Variants in PCNX4 observed in about 807,000 individuals in gnomAD.
PCNX4 encodes the protein pecanex-like protein 4.
A neutral mutation model predicts 107.2 loss-of-function variants in PCNX4; 103 were observed. The observed-to-expected ratio is 0.96, with a 90% CI of 0.82 to 1.13. The LOEUF (loss-of-function observed/expected upper bound fraction) is 1.13, where lower values mean the gene tolerates loss of function less well. PCNX4 is among the 50% of genes most tolerant of loss of function. PCNX4 has a pLI of 0.00. For synonymous variants in PCNX4, 541 were observed against 481.7 expected (o/e 1.12, Z -1.61); for missense variants, 1,528 against 1,379.4 (o/e 1.11, Z -1.71).
intron 10 of PCNX4, among the ~76,000 whole-genome samples, chr14:60,127,299 T>C (rs1346968170): frequency 6.6e-6 from 1 of 152,178 alleles, no homozygotes; most frequent in African/African-American, 2.4e-5. Context: ...TCAGAACAAA[T>C]CTCAAACACA....
rs181056979 is a variant in PCNX4, at chr14:60,137,857, A to T, written c.*3636A>T. 12 of 152,250 alleles carry T rather than the reference A, an allele frequency of 7.9e-5. No homozygotes were observed. Among genetic ancestry groups the T allele is most frequent in the African/African-American group, 2.2e-4 (9 of 41,550 alleles). 9.4% of individuals were successfully genotyped at this position (152,250 alleles called of 1,614,324 possible). On this transcript the variant is annotated 3_prime_UTR_variant, in exon 11 of 11. Transcript: ENST00000406854. ...GTAATCCCAGCACTTTGGGAGGCTG[A>T]GGCGGGTGGATCATGAGGTCAGGAG...
chr14:60,102,195 T>C (rs1895545117), intron 1 of PCNX4, among the ~76,000 whole-genome samples: 1 of 152,162 alleles, frequency 6.6e-6, no homozygotes, highest in African/African-American at 2.4e-5. Flanking sequence ...TACACTTAAA[T>C]GTTTAACAGT....
At chr14:60,127,754 G>A (rs1896082052) in intron 10 of PCNX4, among the ~76,000 whole-genome samples, 1 of 152,112 alleles carries the variant, frequency 6.6e-6, no homozygotes, top group Admixed American at 6.5e-5. Context: ...CCCATATATC[G>A]GGGGAAAAAA....
chr14:60,101,706 T>A (rs893449464), intron 1 of PCNX4, among the ~76,000 whole-genome samples: 12 of 145,376 alleles, frequency 8.3e-5, no homozygotes, highest in Admixed American at 3.5e-4. Flanking sequence ...ATAAAAAAAA[T>A]AATTAAAAAA....
At chr14:60,132,959 A>T (rs1896182039) in intron 10 of PCNX4, among the ~76,000 whole-genome samples, 2 of 152,200 alleles carry the variant, frequency 1.3e-5, no homozygotes, top group Non-Finnish European at 2.9e-5. Context: ...TGTTAACAAG[A>T]TGTGGAGAAA....
At chr14:60,129,381 C>T (rs1896114173) in intron 10 of PCNX4, among the ~76,000 whole-genome samples, 1 of 151,966 alleles carries the variant, frequency 6.6e-6, no homozygotes, top group African/African-American at 2.4e-5. Flanking sequence ...TAGCAAGAGC[C>T]CATCTCTACA....
chr14:60,107,821 A>G lies in PCNX4; in HGVS notation c.183A>G (p.Leu61=), dbSNP rs12465. 0.89 allele frequency: 1,435,137 copies of G among 1,612,592 alleles called. 640,489 individuals are homozygous for G. The highest frequency in any genetic ancestry group is 0.93 in the East Asian group (41,915 of 44,868). The change falls in exon 2 of 11, where the codon TTA becomes TTG. Residue 61 remains leucine (L), a synonymous_variant. Coordinates refer to ENST00000406854, the MANE Select transcript of PCNX4 (RefSeq NM_001330177.2). ...PWVWGGVGTL[L]YQLGILKDYY... Reference sequence around the variant, plus strand: ...TTTGGGGTGGAGTCGGAACACTTTTATACCAGTTAGGCATCCTGAAAGACT... The same window carrying G: ...TTTGGGGTGGAGTCGGAACACTTTTGTACCAGTTAGGCATCCTGAAAGACT...
intron 7 of PCNX4, among the ~76,000 whole-genome samples, chr14:60,119,530 A>G (rs888732709): frequency 6.6e-5 from 10 of 152,206 alleles, no homozygotes; most frequent in African/African-American, 1.9e-4. Context: ...ATTATGTGAG[A>G]TGATTTATGA....
intron 10 of PCNX4, among the ~76,000 whole-genome samples, chr14:60,127,434 G>C (rs1275300900): frequency 6.6e-6 from 1 of 152,126 alleles, no homozygotes; most frequent in Non-Finnish European, 1.5e-5. Context: ...TAATAGCTGG[G>C]TATGAACACT....
rs1245935271 is a variant in PCNX4, at chr14:60,125,837, A to T, written c.3267+14A>T. 1.9e-6 allele frequency: 3 copies of T among 1,566,886 alleles called. No homozygotes were observed. The highest frequency in any genetic ancestry group is 2.6e-6 in the Non-Finnish European group (3 of 1,154,848). On this transcript the variant is annotated intron_variant, in intron 10 of 10. Transcript: ENST00000406854. ...GATTCTAATATGGTAAGGTTAAAAA[A>T]TTTTTAAACTTACATATACTAACCT... is the stretch of plus-strand genomic sequence containing the variant.
chr14:60,094,409 C>T (rs969605058), intron 1 of PCNX4, among the ~76,000 whole-genome samples: 1 of 152,152 alleles, frequency 6.6e-6, no homozygotes. Flanking sequence ...TTTTGTAAGT[C>T]CCCCAGCATT....
intron 7 of PCNX4, among the ~76,000 whole-genome samples, 195 bp from the exon 8 acceptor site, chr14:60,121,001 A>C (rs112866073): frequency 6.6e-6 from 1 of 152,054 alleles, no homozygotes; most frequent in Non-Finnish European, 1.5e-5. Context: ...ATCTGTTCCA[A>C]CTGCTCTTGT....
At chr14:60,098,234 A>G (rs1231577994) in intron 1 of PCNX4, among the ~76,000 whole-genome samples, 1 of 151,928 alleles carries the variant, frequency 6.6e-6, no homozygotes, top group African/African-American at 2.4e-5. Flanking sequence ...AGACATTCCA[A>G]CCCTACCATA....
At chr14:60,120,188 T>C (rs531554994) in intron 7 of PCNX4, among the ~76,000 whole-genome samples, 1 of 152,192 alleles carries the variant, frequency 6.6e-6, no homozygotes, top group South Asian at 2.1e-4. Context: ...GGTGCAAGTC[T>C]CCAGGAGTTG....
intron 1 of PCNX4, among the ~76,000 whole-genome samples, chr14:60,103,079 G>A (rs1895563341): frequency 6.6e-6 from 1 of 151,974 alleles, no homozygotes; most frequent in South Asian, 2.1e-4. Context: ...CAGTTTTTAG[G>A]TCTGATATGC....
chr14:60,115,300 T>G lies in PCNX4; in HGVS notation c.1196T>G (p.Leu399Arg). ...AIVGYGLMILLIILWILREIQ... is the reference protein window; with the variant it reads ...AIVGYGLMILRIILWILREIQ... ...GTGGGCTATGGTTTGATGATATTACTTATAATACTGTGGATACTTAGAGAA... is the reference window on the plus strand; with the variant it reads ...GTGGGCTATGGTTTGATGATATTACGTATAATACTGTGGATACTTAGAGAA... Residue 399 changes from leucine to arginine, a missense_variant, in exon 4 of 11, where the codon CTT becomes CGT. By Grantham distance (102) the Leu-to-Arg change is moderately radical. Transcript: ENST00000406854. 1 of 1,608,930 alleles carries G rather than the reference T, an allele frequency of 6.2e-7. No homozygotes were observed. Among genetic ancestry groups the G allele is most frequent in the Non-Finnish European group, 8.5e-7 (1 of 1,176,232 alleles).
chr14:60,104,991 A>G (rs917425295), intron 1 of PCNX4, among the ~76,000 whole-genome samples: 1 of 152,232 alleles, frequency 6.6e-6, no homozygotes, highest in African/African-American at 2.4e-5. Flanking sequence ...CCTTGAGACC[A>G]GAAGTGTTTT....
chr14:60,121,577 A>G (rs1895957176), intron 8 of PCNX4, among the ~76,000 whole-genome samples: 1 of 138,880 alleles, frequency 7.2e-6, no homozygotes, highest in Admixed American at 6.8e-5. Context: ...AAAAGTGTGA[A>G]TCAGTAATTT....
intron 10 of PCNX4, among the ~76,000 whole-genome samples, chr14:60,132,284 A>G (rs1399468522): frequency 6.6e-6 from 1 of 152,138 alleles, no homozygotes; most frequent in Non-Finnish European, 1.5e-5. Flanking sequence ...TTTCTTTTAT[A>G]AGGATGTCAG....
Sources: gnomAD v4.1 joint callset for allele counts (sites outside exome capture counted in the v4.1 genomes callset) on GRCh38, gnomAD v4.1.1 for gene constraint, MANE v1.5 for transcripts, NCBI Gene and HGNC (gene_info 2026-07-23, HGNC 2026-07-21) for gene names.